CSMD1: variants seen among roughly 807,000 people sequenced by gnomAD.
The protein encoded by CSMD1 is CUB and sushi domain-containing protein 1.
In CSMD1, 213 loss-of-function variants were observed where a neutral mutation model predicts 417.5. The observed-to-expected ratio is 0.51, with a 90% CI of 0.46 to 0.57. CSMD1 has a LOEUF of 0.57. Among genes scored for constraint, CSMD1 ranks in the 20% least tolerant of loss-of-function variants. CSMD1 has a pLI of 0.00. For missense variants in CSMD1, 6,923 were observed against 4,529.7 expected, an observed-to-expected ratio of 1.53 and a Z score of -15.17; for synonymous variants, 2,862 against 1,736.8, an observed-to-expected ratio of 1.65 and a Z score of -16.11.
intron 25 of CSMD1, among the ~76,000 whole-genome samples, chr8:3,294,237 G>C (rs1262826139): frequency 6.6e-6 from 1 of 152,050 alleles, no homozygotes; most frequent in Non-Finnish European, 1.5e-5. Context: ...GCCCCTACTG[G>C]GGGGTGCCTC....
intron 3 of CSMD1, among the ~76,000 whole-genome samples, chr8:4,188,397 T>C (rs1330746122): frequency 1.3e-5 from 2 of 152,164 alleles, no homozygotes; most frequent in Non-Finnish European, 1.5e-5. Flanking sequence ...ACAGGAAACA[T>C]TCGTATATTG....
At chr8:4,730,630 A>C (rs1181511642) in intron 1 of CSMD1, among the ~76,000 whole-genome samples, 1 of 151,952 alleles carries the variant, frequency 6.6e-6, no homozygotes, top group Non-Finnish European at 1.5e-5. Flanking sequence ...AGTCCCAGCT[A>C]CTCGGGAGGC....
chr8:4,093,051 T>C (rs1585298093), intron 3 of CSMD1, among the ~76,000 whole-genome samples: 2 of 152,188 alleles, frequency 1.3e-5, no homozygotes, highest in South Asian at 2.1e-4. Context: ...GGTTATTGCA[T>C]AGTTTGAACA....
chr8:3,967,327 T>A (rs1356763435), intron 5 of CSMD1, among the ~76,000 whole-genome samples: 1 of 152,168 alleles, frequency 6.6e-6, no homozygotes, highest in African/African-American at 2.4e-5. Context: ...GAAATGATGG[T>A]ACGGCTTCTC....
intron 3 of CSMD1, among the ~76,000 whole-genome samples, chr8:4,312,454 T>C (rs1018150052): frequency 8.2e-6 from 1 of 122,338 alleles, no homozygotes; most frequent in African/African-American, 4.3e-5. Context: ...TATATACGTA[T>C]ATATATGCGC....
intron 3 of CSMD1, among the ~76,000 whole-genome samples, chr8:4,312,629 C>A (rs971350976): frequency 2.8e-5 from 4 of 144,706 alleles, no homozygotes; most frequent in African/African-American, 1.2e-4. Context: ...GTAATCCCAA[C>A]ACTTTGGGAG....
At chr8:3,493,025 G>C (rs573984855) in intron 11 of CSMD1, among the ~76,000 whole-genome samples, 6 of 152,240 alleles carry the variant, frequency 3.9e-5, no homozygotes, top group South Asian at 4.1e-4. Flanking sequence ...GGGTGCGGTG[G>C]TTCACACCTG....
chr8:4,728,797 A>T (rs77096185), intron 1 of CSMD1, among the ~76,000 whole-genome samples: 2,426 of 152,258 alleles, frequency 0.016, 46 homozygotes, highest in Middle Eastern at 0.044. Flanking sequence ...CCACCTAAAA[A>T]ACTCAAACTC....
At chr8:4,451,407 A>G (rs113143064) in intron 2 of CSMD1, among the ~76,000 whole-genome samples, 2 of 152,174 alleles carry the variant, frequency 1.3e-5, no homozygotes, top group African/African-American at 4.8e-5. Context: ...ATGTGCTATG[A>G]TCAGTGTTTT....
chr8:4,167,695 T>C (rs1412030864), intron 3 of CSMD1, among the ~76,000 whole-genome samples: 3 of 152,126 alleles, frequency 2.0e-5, no homozygotes, highest in African/African-American at 4.8e-5. Flanking sequence ...CAATTTAAAA[T>C]GATAAATAGT....
chr8:4,053,777 T>C (rs978745948), intron 3 of CSMD1, among the ~76,000 whole-genome samples: 4 of 152,076 alleles, frequency 2.6e-5, no homozygotes, highest in Non-Finnish European at 4.4e-5. Flanking sequence ...GGGGCTTAGA[T>C]TAGAGAATAA....
chr8:3,421,156 G>C (rs1417083165), intron 12 of CSMD1, among the ~76,000 whole-genome samples: 1 of 152,062 alleles, frequency 6.6e-6, no homozygotes, highest in Non-Finnish European at 1.5e-5. Flanking sequence ...TAAATTGATG[G>C]GCAATTTCTT....
chr8:3,112,838 T>C (rs1816602792), intron 42 of CSMD1: 1 of 152,074 alleles, frequency 6.6e-6, no homozygotes, highest in African/African-American at 2.4e-5. Flanking sequence ...CACACAAAAT[T>C]CTCTCAAAGC....
intron 5 of CSMD1, among the ~76,000 whole-genome samples, chr8:3,838,672 ATAT>A (rs1252548574): frequency 4.0e-5 from 4 of 100,536 alleles, no homozygotes; most frequent in Admixed American, 1.3e-4. Context: ...TAATAAATTA[ATAT>A]TATATAGTAT....
intron 12 of CSMD1, among the ~76,000 whole-genome samples, chr8:3,423,045 C>T (rs149437720): frequency 2.6e-5 from 4 of 152,286 alleles, no homozygotes; most frequent in African/African-American, 9.6e-5. Flanking sequence ...ACCAGCTAGT[C>T]GAGTTGTACA....
chr8:4,017,796 T>C (rs1388798539), intron 4 of CSMD1, among the ~76,000 whole-genome samples: 2 of 152,160 alleles, frequency 1.3e-5, no homozygotes, highest in Non-Finnish European at 2.9e-5. Context: ...GTAATCTGCA[T>C]TTGGAAAAGA....
intron 37 of CSMD1, among the ~76,000 whole-genome samples, chr8:3,170,012 G>C (rs1281324578): frequency 1.3e-5 from 2 of 152,142 alleles, no homozygotes; most frequent in Non-Finnish European, 2.9e-5. Context: ...TGTGCGGCCT[G>C]ACCCCAGCCA....
rs928020041 is a variant in CSMD1, at chr8:3,644,730, G to T, written c.1010-27933C>A. 7.9e-5 allele frequency among the ~76,000 whole-genome samples: 12 copies of T among 152,114 alleles called. No homozygotes were observed. In the East Asian group the frequency reaches 1.6e-3, roughly 20 times the overall value. On this transcript the variant is annotated intron_variant, in intron 7 of 69. Coordinates refer to ENST00000635120, the MANE Select transcript of CSMD1 (RefSeq NM_033225.6). ...AGGGTTTATTTGTGGGGCCTGTCAG[G>T]GGGGTGCAGTGCCAGCAGACAGAAT...
intron 3 of CSMD1, among the ~76,000 whole-genome samples, chr8:4,065,048 G>A (rs1365276): frequency 0.84 from 127,194 of 152,218 alleles, 53,189 homozygotes; most frequent in Admixed American, 0.88. Flanking sequence ...ATTAAAATGT[G>A]CTAAAAATTA....
Sources: allele counts gnomAD v4.1 joint callset (sites outside exome capture counted in the v4.1 genomes callset), GRCh38; gene constraint gnomAD v4.1.1; transcripts MANE v1.5; gene names NCBI Gene and HGNC (gene_info 2026-07-23, HGNC 2026-07-21).